DUOXA2: variants seen among roughly 807,000 people sequenced by gnomAD.
The protein encoded by DUOXA2 is dual oxidase maturation factor 2.
A neutral mutation model predicts 27.6 loss-of-function variants in DUOXA2; 22 were observed. The ratio of observed to expected loss-of-function variants is 0.80; its 90% confidence interval spans 0.57 to 1.14. DUOXA2 has a LOEUF of 1.14. DUOXA2 is among the 50% of genes most tolerant of loss of function. The pLI, the probability that DUOXA2 is intolerant of heterozygous loss-of-function variation, is 0.00. For missense variants in DUOXA2, 481 were observed against 419.9 expected, an observed-to-expected ratio of 1.15 and a Z score of -1.27; for synonymous variants, 188 against 184.4, an observed-to-expected ratio of 1.02 and a Z score of -0.16.
chr15:45,116,171 A>G lies in DUOXA2; in HGVS notation c.253A>G (p.Thr85Ala), dbSNP rs1773909711. The G allele has an allele frequency of 1.2e-6, 2 of 1,613,958 alleles. No individual in the cohort carries two copies. The highest frequency in any genetic ancestry group is 1.7e-6 in the Non-Finnish European group (2 of 1,180,000). The change falls in exon 3 of 6, where the codon ACA becomes GCA. Residue 85 changes from threonine (T) to alanine (A), a missense_variant. Thr to Ala is a moderately conservative substitution (Grantham distance 58, BLOSUM62 0). Transcript: ENST00000323030. ...GTTCGTGGGTACAGTGAACACCAAC[A>G]CATCCTACAAAGCCTTCAGCGCAGC... ...EWFVGTVNTN[T>A]SYKAFSAARV... is the part of the protein sequence containing the mutation.
intron 5 of DUOXA2, 51 bp from the exon 6 acceptor site, chr15:45,117,665 C>A (rs1483514297): frequency 6.8e-6 from 11 of 1,613,698 alleles, no homozygotes; most frequent in Non-Finnish European, 9.3e-6. Flanking sequence ...GCCTGGGCAA[C>A]ATAGCCCTGA....
rs1266595426 is a variant in DUOXA2 at position 45,117,180 on chromosome 15, C to G, written c.644C>G (p.Ala215Gly). 6.2e-7 allele frequency: 1 copy of G among 1,606,298 alleles called. No individual in the cohort carries two copies. Among genetic ancestry groups the G allele is most frequent in the South Asian group, 1.1e-5 (1 of 90,910 alleles). Residue 215 changes from alanine to glycine, a missense_variant, in exon 5 of 6, where the codon GCC becomes GGC. Coordinates refer to ENST00000323030, the MANE Select transcript of DUOXA2 (RefSeq NM_207581.4). ...YGGLALLTTG[A>G]FALFGVFALA... ...GGCCTGGCACTGCTGACCACCGGAG[C>G]CTTCGCGCTCTTCGGGGTCTTCGCC...
Position 45,116,185 on chromosome 15 carries a change from C to G in DUOXA2, c.267C>G (p.Ala89=). Residue 89 remains alanine, a synonymous_variant, in exon 3 of 6, where the codon GCC becomes GCG. Transcript: ENST00000323030. ...TGAACACCAACACATCCTACAAAGC[C>G]TTCAGCGCAGCGCGCGTTACAGCCC... ...GTVNTNTSYK[A]FSAARVTARV... The G allele has an allele frequency of 6.2e-7, 1 of 1,614,004 alleles. No homozygotes were observed. The highest frequency in any genetic ancestry group is 8.5e-7 in the Non-Finnish European group (1 of 1,179,982).
chr15:45,115,492 G>C, intron 1 of DUOXA2: 1 of 579,322 alleles, frequency 1.7e-6, no homozygotes, highest in East Asian at 3.9e-5. Context: ...GACTGGACCA[G>C]GAGGCAGAAC....
At position 45,117,859 on chromosome 15, in the gene DUOXA2, C is replaced by T. The variant is rs1449433473; in HGVS notation, c.913C>T (p.His305Tyr). Residue 305 changes from histidine to tyrosine, a missense_variant, in exon 6 of 6, where the codon CAC (histidine) becomes TAC (tyrosine). Coordinates refer to ENST00000323030, the MANE Select transcript of DUOXA2 (RefSeq NM_207581.4). Reference sequence around the variant, plus strand: ...ACCTCTTATCCTCGGCGACCCACTGCACAAGCAGGCCGCTCTCCCAGACTT... The same window carrying T: ...ACCTCTTATCCTCGGCGACCCACTGTACAAGCAGGCCGCTCTCCCAGACTT... ...GSPLILGDPL[H>Y]KQAALPDLKC... 7 of 1,613,736 alleles carry T rather than the reference C, an allele frequency of 4.3e-6. No homozygotes were observed. Among genetic ancestry groups the T allele is most frequent in the Non-Finnish European group, 5.9e-6 (7 of 1,180,046 alleles).
chr15:45,117,656 C>A (rs1205979534), intron 5 of DUOXA2, 60 bp from the exon 6 acceptor site: 1 of 1,613,798 alleles, frequency 6.2e-7, no homozygotes, highest in Non-Finnish European at 8.5e-7. Flanking sequence ...TCGAGACCAG[C>A]CTGGGCAACA....
rs1894829727 is a variant in DUOXA2, at chr15:45,118,359, G to A, written c.*450G>A. On this transcript the variant is annotated 3_prime_UTR_variant, in exon 6 of 6. Transcript: ENST00000323030. ...GCAGGTCACCCACTCCCCCGTCCTG[G>A]ATGCCACTCAGCTAGCCCAGCTGAG... 5 of 1,151,256 alleles carry A rather than the reference G, an allele frequency of 4.3e-6. No individual in the cohort carries two copies. The South Asian group carries it at 1.7e-4, about 38-fold the overall frequency. The allele number at this position is 1,151,256 out of a possible 1,614,324, so 71.3% of individuals were successfully genotyped here. A position where few individuals can be genotyped will look rare whatever the true frequency, so the allele number is the denominator to read the frequency against.
In DUOXA2 at chr15:45,114,337, G is replaced by A. The variant is rs771779247; in HGVS notation, c.-269G>A. On this transcript the variant is annotated 5_prime_UTR_variant, in exon 1 of 6. Transcript: ENST00000323030. ...CGACTTCCAAACTCAGCGCCAACCC[G>A]CAGAACCAGGAAAGTAACGGCTACA... The A allele has an allele frequency of 3.9e-6, 2 of 519,246 alleles. No individual in the cohort carries two copies. Among genetic ancestry groups the A allele is most frequent in the Non-Finnish European group, 3.5e-6 (1 of 286,768 alleles). 32.2% of individuals were successfully genotyped at this position (519,246 alleles called of 1,614,324 possible).
Position 45,114,738 on chromosome 15 carries a change from A to T in DUOXA2, c.133A>T (p.Ile45Phe). 6.2e-7 allele frequency: 1 copy of T among 1,614,144 alleles called. No individual in the cohort carries two copies. The highest frequency in any genetic ancestry group is 8.5e-7 in the Non-Finnish European group (1 of 1,180,020). The change falls in exon 1 of 6, where the codon ATC becomes TTC. Residue 45 changes from isoleucine (I) to phenylalanine (F), a missense_variant. By Grantham distance (21) the Ile-to-Phe change is conservative. Coordinates refer to ENST00000323030, the MANE Select transcript of DUOXA2 (RefSeq NM_207581.4). ...AASFLLILPGIRGHSRWFWLV... is the reference protein window; with the variant it reads ...AASFLLILPGFRGHSRWFWLV... ...AAGCTTCCTGCTCATCTTGCCGGGGATCCGTGGCCACTCGGTAAGGGTGTC... is the reference window on the plus strand; with the variant it reads ...AAGCTTCCTGCTCATCTTGCCGGGGTTCCGTGGCCACTCGGTAAGGGTGTC...
chr15:45,114,953 G>A (rs1376653010), intron 1 of DUOXA2, among the ~76,000 whole-genome samples: 1 of 152,164 alleles, frequency 6.6e-6, no homozygotes, highest in Non-Finnish European at 1.5e-5. Context: ...GGATATCCTG[G>A]AGAAGGACCC....
Position 45,115,844 on chromosome 15 carries a change from G to T in DUOXA2, c.193G>T (p.Ala65Ser). The T allele has an allele frequency of 6.2e-7, 1 of 1,614,064 alleles. No homozygotes were observed. Residue 65 changes from alanine to serine, a missense_variant, in exon 2 of 6, where the codon GCA (alanine) becomes TCA (serine). Physicochemically the swap from Ala to Ser is moderately conservative, Grantham distance 99. Coordinates refer to ENST00000323030, the MANE Select transcript of DUOXA2 (RefSeq NM_207581.4). ...VRVLLSLFIG[A>S]EIVAVHFSAE... ...AGTTCTTCTCAGTCTGTTCATAGGC[G>T]CAGAAATTGTGGGTGAGTGTGTGGT...
intron 2 of DUOXA2, 101 bp downstream of exon 2, chr15:45,115,957 C>G: frequency 6.3e-7 from 1 of 1,593,756 alleles, no homozygotes; most frequent in East Asian, 2.2e-5. Context: ...TTTCTGCTCC[C>G]TCTTCCCACT....
Position 45,114,592 on chromosome 15 carries a change from G to A in DUOXA2, c.-14G>A. 6.2e-7 allele frequency: 1 copy of A among 1,613,438 alleles called. No homozygotes were observed. The highest frequency in any genetic ancestry group is 8.5e-7 in the Non-Finnish European group (1 of 1,179,888). On this transcript the variant is annotated 5_prime_UTR_variant, in exon 1 of 6. Transcript: ENST00000323030. ...GCCTGCCCGCCTGCGTGCAGCACTC[G>A]GCCGGCGTGCAGCATGACCCTGTGG... is the stretch of plus-strand genomic sequence containing the variant.
intron 5 of DUOXA2, 49 bp from the exon 6 acceptor site, chr15:45,117,667 T>C (rs1472712500): frequency 1.2e-6 from 2 of 1,613,764 alleles, no homozygotes; most frequent in South Asian, 1.1e-5. Context: ...CTGGGCAACA[T>C]AGCCCTGACT....
In DUOXA2 at chr15:45,116,539, G is replaced by A. The variant is rs1210877655; in HGVS notation, c.364G>A (p.Glu122Lys). 2.5e-6 allele frequency: 4 copies of A among 1,613,942 alleles called. No homozygotes were observed. The highest frequency in any genetic ancestry group is 1.1e-5 in the South Asian group (1 of 91,084). The change falls in exon 4 of 6, where the codon GAG becomes AAG. Residue 122 changes from glutamate to lysine, a missense_variant. By Grantham distance (56) the Glu-to-Lys change is moderately conservative. Transcript: ENST00000323030. ...LTGTPVHQLN[E>K]TIDYNEQFTW... ...AGGGACCCCAGTGCATCAGCTGAAC[G>A]AGACCATTGACTACAACGAGCAGTT... is the stretch of plus-strand genomic sequence containing the variant.
chr15:45,118,279 C>T lies in DUOXA2; in HGVS notation c.*370C>T. 3.7e-6 allele frequency: 5 copies of T among 1,355,090 alleles called. No individual in the cohort carries two copies. The highest frequency in any genetic ancestry group is 4.7e-6 in the Non-Finnish European group (5 of 1,059,038). 83.9% of individuals were successfully genotyped at this position (1,355,090 alleles called of 1,614,324 possible). ...TCTAGTGAGGCCGGAGGGACCCTACCAGAGCTAGCATCTTTCTGAACCACC... is the reference window on the plus strand; with the variant it reads ...TCTAGTGAGGCCGGAGGGACCCTACTAGAGCTAGCATCTTTCTGAACCACC... On this transcript the variant is annotated 3_prime_UTR_variant, in exon 6 of 6. Coordinates refer to ENST00000323030, the MANE Select transcript of DUOXA2 (RefSeq NM_207581.4).
At chr15:45,115,765 G>A (rs778670806) in intron 1 of DUOXA2, 34 bp from the exon 2 acceptor site, 57 of 1,613,974 alleles carry the variant, frequency 3.5e-5, no homozygotes, top group Admixed American at 1.5e-4. Flanking sequence ...GGTTTGGCAG[G>A]GCTCAGGCCT....
chr15:45,116,469 G>T (rs760299325), intron 3 of DUOXA2, 47 bp from the exon 4 acceptor site: 32 of 1,606,246 alleles, frequency 2.0e-5, no homozygotes, highest in Admixed American at 1.7e-5. Context: ...GCTTAGTTGC[G>T]AGGTCTCCGA....
chr15:45,117,370 C>T lies in DUOXA2; in HGVS notation c.769+65C>T, dbSNP rs564166285. The T allele has an allele frequency of 7.3e-6, 11 of 1,511,440 alleles. No homozygotes were observed. The African/African-American group carries it at 1.2e-4, about 17-fold the overall frequency. The allele number at this position is 1,511,440 out of a possible 1,614,324, so 93.6% of individuals were successfully genotyped here. A position where few individuals can be genotyped will look rare whatever the true frequency, so the allele number is the denominator to read the frequency against. On this transcript the variant is annotated intron_variant, in intron 5 of 5. Transcript: ENST00000323030. ...AGACAGGATTCACACCGGGTGTGCA[C>T]TTTCCAGTTTACAGAATGAATTCAC...
Sources: gnomAD v4.1 joint callset for allele counts (sites outside exome capture counted in the v4.1 genomes callset) on GRCh38, gnomAD v4.1.1 for gene constraint, MANE v1.5 for transcripts, NCBI Gene and HGNC (gene_info 2026-07-23, HGNC 2026-07-21) for gene names.